The following WWC2 variants were observed in gnomAD, a reference collection of about 807,000 sequenced individuals.
WWC2 encodes protein WWC2.
A neutral mutation model predicts 138.5 loss-of-function variants in WWC2; 101 were observed. The ratio of observed to expected loss-of-function variants is 0.73; its 90% CI spans 0.62 to 0.86. WWC2 has a LOEUF of 0.86. Among genes scored for constraint, WWC2 ranks in the 40% least tolerant of loss-of-function variants. WWC2 has a pLI of 0.00. For missense variants in WWC2, 1,420 were observed against 1,419.4 expected (o/e 1.00, Z -0.01); for synonymous variants, 558 against 538.4 (o/e 1.04, Z -0.50).
At chr4:183,117,215 CTTTTTTTTTT>C (rs923478529) in intron 1 of WWC2, among the ~76,000 whole-genome samples, 9 of 95,672 alleles carry the variant, frequency 9.4e-5, no homozygotes, top group Non-Finnish European at 1.8e-4. Flanking sequence ...CATTCTTCTT[CTTTTTTTTTT>C]TTTTTTTTTT....
chr4:183,313,797 A>G (rs1429954527), intron 22 of WWC2, among the ~76,000 whole-genome samples: 1 of 150,724 alleles, frequency 6.6e-6, no homozygotes, highest in Non-Finnish European at 1.5e-5. Flanking sequence ...GCCTGGGGCA[A>G]GAGGGTGGGA....
intron 17 of WWC2, 143 bp downstream of exon 17, chr4:183,281,040 T>G: frequency 8.0e-7 from 1 of 1,252,004 alleles, no homozygotes; most frequent in African/African-American, 1.6e-5. Context: ...GGAAAAGTCT[T>G]TCCTTGGTCA....
chr4:183,162,382 T>C (rs757637032), intron 1 of WWC2, among the ~76,000 whole-genome samples: 7 of 152,222 alleles, frequency 4.6e-5, no homozygotes, highest in Non-Finnish European at 1.0e-4. Context: ...TAAAATTACT[T>C]TGCATATTTC....
rs1737262684 is a variant in WWC2, at chr4:183,259,694, A to G, written c.1252A>G (p.Lys418Glu). 3 of 1,547,528 alleles carry G rather than the reference A, an allele frequency of 1.9e-6. No homozygotes were observed. Among genetic ancestry groups the G allele is most frequent in the African/African-American group, 1.4e-5 (1 of 73,024 alleles). ...GCTACAGAAACTTGAAGAAACTACT[A>G]AATTAACTACTTATTTGCATTCACA... is the stretch of plus-strand genomic sequence containing the variant. ...ELLQKLEETT[K>E]LTTYLHSQLK... The change falls in exon 10 of 23, where the codon AAA becomes GAA. Residue 418 changes from lysine to glutamate, a missense_variant. Lys to Glu is a moderately conservative substitution (Grantham distance 56, BLOSUM62 1). Coordinates refer to ENST00000403733, the MANE Select transcript of WWC2 (RefSeq NM_024949.6).
At chr4:183,136,284 T>A (rs1384037459) in intron 1 of WWC2, among the ~76,000 whole-genome samples, 1 of 152,200 alleles carries the variant, frequency 6.6e-6, no homozygotes, top group Non-Finnish European at 1.5e-5. Flanking sequence ...CTTTCATATT[T>A]TTCATTTCTT....
intron 1 of WWC2, among the ~76,000 whole-genome samples, chr4:183,118,904 T>C (rs1732509148): frequency 6.6e-6 from 1 of 152,002 alleles, no homozygotes; most frequent in Admixed American, 6.6e-5. Context: ...ATGATTTATC[T>C]GAAATATCTC....
intron 5 of WWC2, among the ~76,000 whole-genome samples, chr4:183,240,877 G>A (rs1331264957): frequency 1.3e-5 from 2 of 152,216 alleles, no homozygotes; most frequent in African/African-American, 2.4e-5. Context: ...GCCAGGTAAA[G>A]TGGAAATGGA....
intron 1 of WWC2, among the ~76,000 whole-genome samples, chr4:183,102,868 C>CTTTT (rs779381709): frequency 8.4e-6 from 1 of 118,820 alleles, no homozygotes; most frequent in Non-Finnish European, 1.8e-5. Context: ...TGGCCTGGTG[C>CTTTT]TTTTTTTTTT....
Position 183,116,169 on chromosome 4 carries a change from G to C in WWC2, c.131+16547G>C, listed in dbSNP as rs1388618097. ...GTGGTAAGTGTGTGACTTTATTTCT[G>C]GTTTTTCTAACATGTTCCATTGGTG... is the stretch of plus-strand genomic sequence containing the variant. On this transcript the variant is annotated intron_variant, in intron 1 of 22. Transcript: ENST00000403733. Among the ~76,000 whole-genome samples the C allele has an allele frequency of 1.3e-5, 2 of 152,174 alleles. 1 individual carries two copies. The highest frequency in any genetic ancestry group is 3.9e-4 in the East Asian group (2 of 5,174).
At chr4:183,106,684 A>G (rs763074087) in intron 1 of WWC2, among the ~76,000 whole-genome samples, 52 of 152,136 alleles carry the variant, frequency 3.4e-4, no homozygotes, top group Non-Finnish European at 6.8e-4. Context: ...TAAAATTTGT[A>G]TCCCTTTGTA....
At chr4:183,212,512 T>C (rs1553968179) in intron 4 of WWC2, among the ~76,000 whole-genome samples, 1 of 152,212 alleles carries the variant, frequency 6.6e-6, no homozygotes, top group Non-Finnish European at 1.5e-5. Context: ...TGTCAAAACT[T>C]ACTCTCAATA....
At chr4:183,135,322 CCTT>C (rs1311292436) in intron 1 of WWC2, among the ~76,000 whole-genome samples, 5 of 152,072 alleles carry the variant, frequency 3.3e-5, no homozygotes, top group African/African-American at 1.2e-4. Flanking sequence ...GTTTCCCCTG[CCTT>C]TTCTTCCTAT....
intron 1 of WWC2, among the ~76,000 whole-genome samples, chr4:183,128,872 G>C (rs1444641890): frequency 6.6e-6 from 1 of 152,086 alleles, no homozygotes; most frequent in African/African-American, 2.4e-5. Context: ...ATCTGAACAA[G>C]GTATTTATAA....
intron 4 of WWC2, among the ~76,000 whole-genome samples, chr4:183,223,045 G>A (rs1735975563): frequency 6.6e-6 from 1 of 152,164 alleles, no homozygotes; most frequent in African/African-American, 2.4e-5. Flanking sequence ...ATATATGATG[G>A]TAGTCCCATG....
intron 8 of WWC2, among the ~76,000 whole-genome samples, chr4:183,251,984 G>A (rs1379207617): frequency 6.6e-6 from 1 of 152,100 alleles, no homozygotes; most frequent in Non-Finnish European, 1.5e-5. Flanking sequence ...TGATTTTGTG[G>A]TTAAAGCTGA....
chr4:183,268,004 C>T (rs773646151), intron 14 of WWC2, among the ~76,000 whole-genome samples: 3 of 152,166 alleles, frequency 2.0e-5, no homozygotes, highest in African/African-American at 7.2e-5. Flanking sequence ...GGACAGTGAG[C>T]TGTGTCTTAG....
rs1242574112 is a variant in WWC2, at chr4:183,099,371, C to T, written c.-121C>T. 1 of 1,050,394 alleles carries T rather than the reference C, an allele frequency of 9.5e-7. No homozygotes were observed. The highest frequency in any genetic ancestry group is 4.5e-5 in the East Asian group (1 of 22,288). The allele number at this position is 1,050,394 out of a possible 1,614,324, so 65.1% of individuals were successfully genotyped here. On this transcript the variant is annotated 5_prime_UTR_variant, in exon 1 of 23. Coordinates refer to ENST00000403733, the MANE Select transcript of WWC2 (RefSeq NM_024949.6). Reference sequence around the variant, plus strand: ...GTTCCGCCGCGCCCCGCGCCCTGCGCCCCTCAGCCCCTCGCCGGCGCCCGC... The same window carrying T: ...GTTCCGCCGCGCCCCGCGCCCTGCGTCCCTCAGCCCCTCGCCGGCGCCCGC...
intron 21 of WWC2, 110 bp downstream of exon 21, chr4:183,289,745 G>A: frequency 2.1e-6 from 3 of 1,422,040 alleles, no homozygotes; most frequent in Admixed American, 2.3e-5. Context: ...GTCTTTAGAT[G>A]TTTTACTACA....
At chr4:183,224,112 G>C (rs530689213) in intron 4 of WWC2, among the ~76,000 whole-genome samples, 1 of 152,122 alleles carries the variant, frequency 6.6e-6, no homozygotes, top group Non-Finnish European at 1.5e-5. Context: ...AGAATTCCTC[G>C]CTGTCTGATT....
Sources: gnomAD v4.1 joint callset for allele counts (sites outside exome capture counted in the v4.1 genomes callset) on GRCh38, gnomAD v4.1.1 for gene constraint, MANE v1.5 for transcripts, NCBI Gene and HGNC (gene_info 2026-07-23, HGNC 2026-07-21) for gene names.